The following ATG2B variants were observed in gnomAD, a reference collection of about 807,000 sequenced individuals.
ATG2B encodes the protein autophagy related 2B.
ATG2B carries 121 observed loss-of-function variants against 241.3 expected under a neutral mutation model. The ratio of observed to expected loss-of-function variants is 0.50; its 90% confidence interval spans 0.43 to 0.58. The LOEUF (loss-of-function observed/expected upper bound fraction) is 0.58. Ranked by LOEUF, ATG2B falls within the 20% of genes least tolerant of loss-of-function variation. The probability of loss-of-function intolerance (pLI) is 0.00; values close to 1 mark genes in which losing one functional copy is unlikely to be tolerated. For missense variants in ATG2B, 2,306 were observed against 2,491.6 expected, an observed-to-expected ratio of 0.93 and a Z score of 1.59; for synonymous variants, 858 against 876.6, an observed-to-expected ratio of 0.98 and a Z score of 0.37.
rs186666859 is a variant in ATG2B at position 96,309,965 on chromosome 14, A to G, written c.4162-371T>C. On this transcript the variant is annotated intron_variant, in intron 28 of 41. Coordinates refer to ENST00000359933, the MANE Select transcript of ATG2B (RefSeq NM_018036.7). ...CAATGACTTTCATCCCTTTGACATA[A>G]AGCCCCTGTAGGACGAGGCCTCATT... Among the ~76,000 whole-genome samples, 1,244 of 152,278 alleles carry G rather than the reference A, an allele frequency of 8.2e-3. 11 individuals are homozygous for G. The highest frequency in any genetic ancestry group is 0.013 in the Non-Finnish European group (910 of 68,014).
chr14:96,336,925 C>A (rs1406487992), intron 6 of ATG2B, among the ~76,000 whole-genome samples: 4 of 152,158 alleles, frequency 2.6e-5, no homozygotes, highest in African/African-American at 9.7e-5. Context: ...ACAGAAGGGG[C>A]CTGAGTAATC....
rs773447649 is a variant in ATG2B at position 96,290,819 on chromosome 14, T to G, written c.5696A>C (p.Gln1899Pro). 1 of 1,602,656 alleles carries G rather than the reference T, an allele frequency of 6.2e-7. No individual in the cohort carries two copies. The highest frequency in any genetic ancestry group is 2.2e-5 in the East Asian group (1 of 44,842). ...GGVGPMHSLV[Q>P]LVQGLKDLVW... is the part of the protein sequence containing the mutation. ...TAAAAAAGAAGAAAACTCACCTAAT[T>G]GTACTAGTGAATGCATAGGTCCAAC... is the stretch of plus-strand genomic sequence containing the variant. Residue 1899 changes from glutamine (Q) to proline (P), a missense_variant, in exon 39 of 42, where the codon CAA becomes CCA. This residue lies in a region of ATG2B where 379 missense variants were observed against 480.4 expected (regional missense o/e 0.79). Coordinates refer to ENST00000359933, the MANE Select transcript of ATG2B (RefSeq NM_018036.7). The surrounding 1 kb of genome is among the most constrained non-coding windows in gnomAD (Gnocchi z 4.4).
Position 96,331,332 on chromosome 14 carries a change from A to C in ATG2B, c.1730+44T>G, listed in dbSNP as rs375362501. The C allele has an allele frequency of 3.7e-4, 563 of 1,540,942 alleles. 1 individual carries two copies. Among genetic ancestry groups the C allele is most frequent in the Non-Finnish European group, 4.6e-4 (522 of 1,140,578 alleles). On this transcript the variant is annotated intron_variant, in intron 11 of 41. Transcript: ENST00000359933. ...GTTCTTTTTCAAGGATCATTAGCAT[A>C]TGTGGAAGTTTAAAGGATCATTAAT...
chr14:96,333,249 G>T (rs1324238735), intron 8 of ATG2B, among the ~76,000 whole-genome samples: 1 of 151,998 alleles, frequency 6.6e-6, no homozygotes, highest in Non-Finnish European at 1.5e-5. Flanking sequence ...AAAGTAAGCT[G>T]GGTAGAGATC....
intron 38 of ATG2B, 106 bp from the exon 39 acceptor site, chr14:96,291,041 G>T (rs1886470464): frequency 1.0e-6 from 1 of 955,464 alleles, no homozygotes; most frequent in Non-Finnish European, 1.5e-6. Context: ...AATTATAAGG[G>T]CAAATATTAC....
At position 96,311,191 on chromosome 14, in the gene ATG2B, T is replaced by C. The variant is rs770660116; in HGVS notation, c.4087A>G (p.Ile1363Val). 6 of 1,613,930 alleles carry C rather than the reference T, an allele frequency of 3.7e-6. No individual in the cohort carries two copies. The highest frequency in any genetic ancestry group is 1.1e-5 in the South Asian group (1 of 91,074). ...CAALMNLIQY[I>V]ASYGDLQTPN... is the part of the protein sequence containing the mutation. ...GTCTGCAAGTCACCATAGCTTGCAA[T>C]GTACTGAATGAGATTCATTAACGCA... The change falls in exon 28 of 42, where the codon ATT (isoleucine) becomes GTT (valine). Residue 1363 changes from isoleucine (I) to valine (V), a missense_variant. Around this residue, in one of 2 missense-constraint regions of ATG2B, gnomAD observed 1,927 missense variants for 2,011.2 expected, o/e 0.96. Coordinates refer to ENST00000359933, the MANE Select transcript of ATG2B (RefSeq NM_018036.7).
intron 23 of ATG2B, 65 bp from the exon 24 acceptor site, chr14:96,313,500 T>A: frequency 1.3e-6 from 1 of 747,738 alleles, no homozygotes; most frequent in Non-Finnish European, 2.1e-6. Flanking sequence ...ATAATATCCT[T>A]AATACCAATG....
intron 1 of ATG2B, among the ~76,000 whole-genome samples, chr14:96,348,335 A>C (rs1888223901): frequency 6.6e-6 from 1 of 152,162 alleles, no homozygotes. Context: ...AGAGGGTGGG[A>C]ATGGTAGTAG....
intron 5 of ATG2B, among the ~76,000 whole-genome samples, chr14:96,342,326 TG>T (rs1408943167): frequency 6.6e-6 from 1 of 152,164 alleles, no homozygotes; most frequent in Middle Eastern, 3.2e-3. Flanking sequence ...AAAATACACC[TG>T]ACCTCACGTG....
intron 14 of ATG2B, 27 bp downstream of exon 14, chr14:96,328,320 T>C (rs1323615288): frequency 1.3e-6 from 2 of 1,516,736 alleles, no homozygotes; most frequent in African/African-American, 2.8e-5. Flanking sequence ...TAATTATGAT[T>C]AGTATTTGCA....
At position 96,290,380 on chromosome 14, in the gene ATG2B, C is replaced by T; in HGVS notation, c.5856+56G>A. On this transcript the variant is annotated intron_variant, in intron 40 of 41. Transcript: ENST00000359933. The surrounding 1 kb of genome is among the most constrained non-coding windows in gnomAD (Gnocchi z 4.4). Reference sequence around the variant, plus strand: ...CAGTATCGTTTTAAAAACAAAAGGACCCAACCATTTCACAATGGCTCTTTT... The same window carrying T: ...CAGTATCGTTTTAAAAACAAAAGGATCCAACCATTTCACAATGGCTCTTTT... 6.4e-7 allele frequency: 1 copy of T among 1,574,526 alleles called. No homozygotes were observed. The highest frequency in any genetic ancestry group is 8.6e-7 in the Non-Finnish European group (1 of 1,156,766).
intron 1 of ATG2B, among the ~76,000 whole-genome samples, chr14:96,348,958 G>A (rs896487635): frequency 6.6e-6 from 1 of 152,102 alleles, no homozygotes; most frequent in African/African-American, 2.4e-5. Flanking sequence ...AGATAAAGAT[G>A]ATCTCGGTCC....
At chr14:96,356,196 C>G (rs1888470374) in intron 1 of ATG2B, among the ~76,000 whole-genome samples, 1 of 151,140 alleles carries the variant, frequency 6.6e-6, no homozygotes, top group Non-Finnish European at 1.5e-5. Flanking sequence ...AGTGCATGAG[C>G]TAATTTAGAT....
At chr14:96,308,282 A>ATTTT (rs71731196) in intron 29 of ATG2B, among the ~76,000 whole-genome samples, 5 of 37,036 alleles carry the variant, frequency 1.4e-4, no homozygotes, top group African/African-American at 5.2e-4. Flanking sequence ...ATATATATAT[A>ATTTT]TTTTTTTTTT....
At chr14:96,357,555 C>T (rs1229420489) in intron 1 of ATG2B, among the ~76,000 whole-genome samples, 1 of 152,224 alleles carries the variant, frequency 6.6e-6, no homozygotes, top group Admixed American at 6.5e-5. Context: ...CCTCCTCCCA[C>T]TCCCAACTCC....
rs1408613273 is a variant in ATG2B, at chr14:96,282,235, T to C, written c.*3520A>G. On this transcript the variant is annotated 3_prime_UTR_variant, in exon 42 of 42. Coordinates refer to ENST00000359933, the MANE Select transcript of ATG2B (RefSeq NM_018036.7). ...CTAAGACTCAAACATTTATATTTGA[T>C]TTTATTCTATTTGATACCAATTGGT... The C allele has an allele frequency of 6.6e-6, 1 of 152,266 alleles. No homozygotes were observed. Among genetic ancestry groups the C allele is most frequent in the African/African-American group, 2.4e-5 (1 of 41,470 alleles). The allele number at this position is 152,266 out of a possible 1,614,324, so 9.4% of individuals were successfully genotyped here.
rs984319843 is a variant in ATG2B at position 96,280,853 on chromosome 14, G to A, written c.*4902C>T. The A allele has an allele frequency of 1.3e-5, 2 of 152,224 alleles. No individual in the cohort carries two copies. Among genetic ancestry groups the A allele is most frequent in the Non-Finnish European group, 1.5e-5 (1 of 68,056 alleles). 9.4% of individuals were successfully genotyped at this position (152,224 alleles called of 1,614,324 possible). A position where few individuals can be genotyped will look rare whatever the true frequency, so the allele number is the denominator to read the frequency against. Reference sequence around the variant, plus strand: ...GCTAAGATTGCTCCATTGTACTCCAGCCTGGGCAACAAGAGCAAAGCTCCG... The same window carrying A: ...GCTAAGATTGCTCCATTGTACTCCAACCTGGGCAACAAGAGCAAAGCTCCG... On this transcript the variant is annotated 3_prime_UTR_variant, in exon 42 of 42. Transcript: ENST00000359933.
intron 1 of ATG2B, among the ~76,000 whole-genome samples, chr14:96,353,477 T>C (rs1888386833): frequency 6.6e-6 from 1 of 151,716 alleles, no homozygotes; most frequent in African/African-American, 2.4e-5. Flanking sequence ...ACCCAAAAAA[T>C]TAGCCAGGCA....
chr14:96,288,676 A>G (rs1016818077), intron 41 of ATG2B, among the ~76,000 whole-genome samples: 1 of 152,190 alleles, frequency 6.6e-6, no homozygotes, highest in African/African-American at 2.4e-5. Flanking sequence ...TTGTTAGAAT[A>G]TGACTGAGAA....
Sources: gnomAD v4.1 joint callset for allele counts (sites outside exome capture counted in the v4.1 genomes callset) on GRCh38, gnomAD v4.1.1 for gene constraint, gnomAD v4.1.1 regional missense constraint, Gnocchi (gnomAD v3.1) non-coding constraint, MANE v1.5 for transcripts, NCBI Gene and HGNC (gene_info 2026-07-23, HGNC 2026-07-21) for gene names.